The following PDZRN3 variants were observed in gnomAD, a reference collection of about 807,000 sequenced individuals.
PDZRN3 encodes PDZ domain containing ring finger 3.
Under a neutral mutation model 85.7 loss-of-function variants are expected in PDZRN3, and 38 were observed. That is an observed-to-expected ratio of 0.44 (90% CI 0.34 to 0.58). The LOEUF (loss-of-function observed/expected upper bound fraction) is 0.58, where lower values mean the gene tolerates loss of function less well. Among genes scored for constraint, PDZRN3 ranks in the 20% least tolerant of loss-of-function variants. The probability of loss-of-function intolerance (pLI) is 0.01; values close to 1 mark genes in which losing one functional copy is unlikely to be tolerated. For synonymous variants in PDZRN3, 759 were observed against 638.0 expected (o/e 1.19, Z -2.86); for missense variants, 1,629 against 1,506.4 (o/e 1.08, Z -1.35).
intron 3 of PDZRN3, among the ~76,000 whole-genome samples, chr3:73,483,210 A>G (rs1158292649): frequency 6.6e-6 from 1 of 152,238 alleles, no homozygotes; most frequent in African/African-American, 2.4e-5. Flanking sequence ...ACAAGGATGA[A>G]GGGAAGAGGC....
At chr3:73,498,180 A>G (rs1703904646) in intron 3 of PDZRN3, among the ~76,000 whole-genome samples, 1 of 152,092 alleles carries the variant, frequency 6.6e-6, no homozygotes, top group Non-Finnish European at 1.5e-5. Context: ...CTGTCACTCC[A>G]CTTGAAAATA....
At chr3:73,390,944 G>A (rs943358923) in intron 6 of PDZRN3, 74 bp downstream of exon 6, 1 of 870,388 alleles carries the variant, frequency 1.1e-6, no homozygotes, top group African/African-American at 2.0e-5. Context: ...GGTGGGTTAG[G>A]GTTGGTGAAC....
intron 3 of PDZRN3, among the ~76,000 whole-genome samples, chr3:73,494,632 A>T (rs1036212877): frequency 7.2e-5 from 11 of 152,228 alleles, no homozygotes; most frequent in African/African-American, 2.7e-4. Context: ...TTATTGAAAT[A>T]GAATATTTAA....
rs1703265897 is a variant in PDZRN3, at chr3:73,382,821, T to C, written c.*544A>G. ...ATATCCCAACTCTAAACGCTGCCGG[T>C]TTGGTTATATGTATTAAATCGTTAA... On this transcript the variant is annotated 3_prime_UTR_variant, in exon 10 of 10. Coordinates refer to ENST00000263666, the MANE Select transcript of PDZRN3 (RefSeq NM_015009.3). 6.5e-6 allele frequency: 1 copy of C among 152,910 alleles called. No homozygotes were observed. The highest frequency in any genetic ancestry group is 2.4e-5 in the African/African-American group (1 of 41,464). The allele number at this position is 152,910 out of a possible 1,614,324, so 9.5% of individuals were successfully genotyped here. A position where few individuals can be genotyped will look rare whatever the true frequency, so the allele number is the denominator to read the frequency against.
intron 3 of PDZRN3, among the ~76,000 whole-genome samples, chr3:73,484,418 G>C (rs1006061599): frequency 1.3e-5 from 2 of 152,050 alleles, no homozygotes; most frequent in Admixed American, 6.5e-5. Context: ...TCCAATGGAG[G>C]GGGGTGGTTA....
rs1446555989 is a variant in PDZRN3, at chr3:73,535,832, T to C, written c.918+66522A>G. The stretch of plus-strand genomic sequence containing the variant: ...ACCATTTATTACGCACCCACATGCA[T>C]GGCATATTGCAAAAACAAGCAAAGC... On this transcript the variant is annotated intron_variant, in intron 3 of 9. Transcript: ENST00000263666. Among the ~76,000 whole-genome samples the C allele has an allele frequency of 2.0e-5, 3 of 152,206 alleles. No individual in the cohort carries two copies. In the East Asian group the frequency reaches 5.8e-4, roughly 29 times the overall value.
intron 3 of PDZRN3, among the ~76,000 whole-genome samples, chr3:73,512,634 C>T (rs1704187793): frequency 6.6e-6 from 1 of 151,852 alleles, no homozygotes; most frequent in Admixed American, 6.6e-5. Flanking sequence ...AAATTAAACT[C>T]AAGTTTCTTT....
intron 3 of PDZRN3, among the ~76,000 whole-genome samples, chr3:73,451,992 C>T (rs1702871409): frequency 6.6e-6 from 1 of 152,190 alleles, no homozygotes; most frequent in Admixed American, 6.5e-5. Context: ...ATTGTGAGGG[C>T]CAAACAGAAT....
chr3:73,550,376 A>G (rs1701525435), intron 3 of PDZRN3, among the ~76,000 whole-genome samples: 1 of 152,192 alleles, frequency 6.6e-6, no homozygotes, highest in African/African-American at 2.4e-5. Context: ...CTGGTTCTCA[A>G]TCCTGGCTGC....
At chr3:73,474,680 C>T (rs1703414563) in intron 3 of PDZRN3, 2 of 1,040,730 alleles carry the variant, frequency 1.9e-6, no homozygotes, top group Non-Finnish European at 2.4e-6. Flanking sequence ...AATAGGGAGG[C>T]ACTGAACAAA....
chr3:73,423,906 G>A (rs1055214354), intron 3 of PDZRN3, among the ~76,000 whole-genome samples: 5 of 152,084 alleles, frequency 3.3e-5, no homozygotes, highest in African/African-American at 9.7e-5. Context: ...TACAAAGAAT[G>A]TTACAATGAA....
chr3:73,397,937 A>C (rs762557445), intron 5 of PDZRN3, among the ~76,000 whole-genome samples: 3 of 152,152 alleles, frequency 2.0e-5, no homozygotes, highest in Non-Finnish European at 4.4e-5. Context: ...CGAAAAGCTA[A>C]TGTCTAATGG....
intron 3 of PDZRN3, among the ~76,000 whole-genome samples, chr3:73,441,205 C>A (rs1432637894): frequency 1.3e-5 from 2 of 151,894 alleles, no homozygotes; most frequent in Non-Finnish European, 2.9e-5. Flanking sequence ...ACGAGCTGGG[C>A]AGATAGAGAC....
intron 3 of PDZRN3, among the ~76,000 whole-genome samples, chr3:73,566,353 C>A (rs1701950392): frequency 6.6e-6 from 1 of 151,988 alleles, no homozygotes; most frequent in Non-Finnish European, 1.5e-5. Context: ...ACTGTGAGCA[C>A]AACATTCAAC....
intron 3 of PDZRN3, among the ~76,000 whole-genome samples, chr3:73,405,194 C>G (rs549104742): frequency 6.6e-6 from 1 of 152,338 alleles, no homozygotes; most frequent in Admixed American, 6.5e-5. Flanking sequence ...CTAGTTTATG[C>G]TGGGTCAGAA....
chr3:73,517,944 TA>T (rs1401960394), intron 3 of PDZRN3, among the ~76,000 whole-genome samples: 4 of 152,044 alleles, frequency 2.6e-5, no homozygotes, highest in African/African-American at 9.7e-5. Context: ...ATGAAAAGAG[TA>T]TGGCCATCCT....
In PDZRN3 at chr3:73,382,850, C is replaced by A. The variant is rs907684743; in HGVS notation, c.*515G>T. On this transcript the variant is annotated 3_prime_UTR_variant, in exon 10 of 10. Coordinates refer to ENST00000263666, the MANE Select transcript of PDZRN3 (RefSeq NM_015009.3). ...GTTATATGTATTAAATCGTTAACCA[C>A]CGGGTTGGGTGGTTTTGAGTTGAAA... 1 of 153,992 alleles carries A rather than the reference C, an allele frequency of 6.5e-6. No individual in the cohort carries two copies. Among genetic ancestry groups the A allele is most frequent in the African/African-American group, 2.4e-5 (1 of 41,440 alleles). The allele number at this position is 153,992 out of a possible 1,614,324, so 9.5% of individuals were successfully genotyped here.
At chr3:73,570,582 A>G (rs1702032199) in intron 3 of PDZRN3, among the ~76,000 whole-genome samples, 1 of 152,194 alleles carries the variant, frequency 6.6e-6, no homozygotes, top group African/African-American at 2.4e-5. Flanking sequence ...AAGAGAAGGA[A>G]TCCTCTCTAA....
chr3:73,511,044 G>C (rs1438695510), intron 3 of PDZRN3, among the ~76,000 whole-genome samples: 2 of 152,096 alleles, frequency 1.3e-5, no homozygotes, highest in Admixed American at 1.3e-4. Context: ...TTCAGATATC[G>C]CTTTTAACAT....
Sources: allele counts gnomAD v4.1 joint callset (sites outside exome capture counted in the v4.1 genomes callset), GRCh38; gene constraint gnomAD v4.1.1; transcripts MANE v1.5; gene names NCBI Gene and HGNC (gene_info 2026-07-23, HGNC 2026-07-21).